Variants in PPP1R12A observed in about 807,000 individuals in gnomAD.
The protein encoded by PPP1R12A is myosin binding subunit.
PPP1R12A carries 19 observed loss-of-function variants against 139.6 expected under a neutral mutation model. The observed-to-expected ratio is 0.14, with a 90% CI of 0.09 to 0.20. The LOEUF is 0.20. Among genes scored for constraint, PPP1R12A ranks in the 10% least tolerant of loss-of-function variants. The probability of loss-of-function intolerance (pLI) is 1.00; values close to 1 mark genes in which losing one functional copy is unlikely to be tolerated. For synonymous variants in PPP1R12A, 427 were observed against 420.6 expected, an observed-to-expected ratio of 1.02 and a Z score of -0.19; for missense variants, 925 against 1,211.5, an observed-to-expected ratio of 0.76 and a Z score of 3.51.
At chr12:79,892,911 C>A (rs766998713) in intron 1 of PPP1R12A, among the ~76,000 whole-genome samples, 4 of 152,080 alleles carry the variant, frequency 2.6e-5, no homozygotes, top group Admixed American at 6.5e-5. Context: ...CGAGACCAGC[C>A]TGGCCAACAT....
At chr12:79,828,242 G>C (rs1877026994) in intron 5 of PPP1R12A, 78 bp downstream of exon 5, 3 of 1,263,352 alleles carry the variant, frequency 2.4e-6, no homozygotes. Context: ...ATAACCTTTT[G>C]AGACTATATT....
intron 10 of PPP1R12A, among the ~76,000 whole-genome samples, chr12:79,808,924 T>C (rs1188503017): frequency 6.6e-6 from 1 of 152,132 alleles, no homozygotes; most frequent in Non-Finnish European, 1.5e-5. Context: ...CTTTCAAATA[T>C]TGTTCACTGA....
chr12:79,868,569 T>C (rs990094285), intron 2 of PPP1R12A, among the ~76,000 whole-genome samples: 2 of 152,214 alleles, frequency 1.3e-5, no homozygotes, highest in African/African-American at 2.4e-5. Flanking sequence ...CCTTGGTTGG[T>C]AGATGGCTGC....
intron 10 of PPP1R12A, 97 bp downstream of exon 10, chr12:79,809,698 G>A (rs925384764): frequency 2.2e-5 from 19 of 878,072 alleles, no homozygotes; most frequent in Non-Finnish European, 3.3e-5. Context: ...TTGATACCTA[G>A]ATCTAAAGAT....
At chr12:79,866,051 C>G (rs1409922039) in intron 2 of PPP1R12A, among the ~76,000 whole-genome samples, 3 of 152,158 alleles carry the variant, frequency 2.0e-5, no homozygotes, top group Non-Finnish European at 4.4e-5. Context: ...AAGCATCACA[C>G]TACCTGACTT....
chr12:79,865,370 T>C (rs1881847354), intron 2 of PPP1R12A, among the ~76,000 whole-genome samples: 1 of 152,184 alleles, frequency 6.6e-6, no homozygotes, highest in Admixed American at 6.5e-5. Flanking sequence ...TCGTATTGAA[T>C]GGGCAAAAAC....
chr12:79,776,368 A>T (rs756782719), intron 24 of PPP1R12A, among the ~76,000 whole-genome samples: 34 of 152,074 alleles, frequency 2.2e-4, no homozygotes, highest in Non-Finnish European at 4.6e-4. Context: ...TCAGCACCTA[A>T]ACCAAAGACT....
intron 21 of PPP1R12A, chr12:79,787,830 C>G (rs1384196400): frequency 6.6e-6 from 1 of 152,188 alleles, no homozygotes; most frequent in Non-Finnish European, 1.5e-5. Flanking sequence ...AATCTACTTT[C>G]TTTTGTTATA....
chr12:79,788,516 T>C, intron 21 of PPP1R12A, 132 bp downstream of exon 21: 1 of 816,686 alleles, frequency 1.2e-6, no homozygotes. Context: ...TACTTAACCA[T>C]CACTTGCCGA....
intron 23 of PPP1R12A, among the ~76,000 whole-genome samples, chr12:79,781,198 T>C (rs1034868563): frequency 2.6e-5 from 4 of 152,142 alleles, no homozygotes; most frequent in Admixed American, 1.3e-4. Context: ...TCCTAGACCT[T>C]TGAGCAACAA....
chr12:79,849,894 T>C (rs1464162571), intron 2 of PPP1R12A, among the ~76,000 whole-genome samples: 1 of 152,158 alleles, frequency 6.6e-6, no homozygotes, highest in Admixed American at 6.5e-5. Context: ...GCAATCATAG[T>C]TCATTGTAAC....
rs375993327 is a variant in PPP1R12A, at chr12:79,805,756, A to G, written c.1836T>C (p.Arg612=). The G allele has an allele frequency of 6.2e-7, 1 of 1,612,298 alleles. No individual in the cohort carries two copies. Among genetic ancestry groups the G allele is most frequent in the Non-Finnish European group, 8.5e-7 (1 of 1,178,906 alleles). Residue 612 remains arginine (R), a synonymous_variant, in exon 14 of 25, where the codon CGT becomes CGC. Transcript: ENST00000450142. ...SAGTQSSTSN[R]LWAEDSTEKE... ...TCTCAGTACTATCCTCAGCCCACAA[A>G]CGATTTGAGGTACTATAGCATCATA...
chr12:79,906,621 G>GTATT (rs956573522), intron 1 of PPP1R12A, among the ~76,000 whole-genome samples: 74 of 150,000 alleles, frequency 4.9e-4, no homozygotes, highest in African/African-American at 1.1e-3. Context: ...ATGTATGTAT[G>GTATT]TATTTATTTA....
intron 24 of PPP1R12A, chr12:79,777,550 A>T: frequency 1.0e-6 from 1 of 985,208 alleles, no homozygotes; most frequent in Non-Finnish European, 1.2e-6. Context: ...TGCCTATAGA[A>T]CCCTGAGCGC....
intron 2 of PPP1R12A, among the ~76,000 whole-genome samples, chr12:79,866,133 T>C (rs1323002477): frequency 1.3e-5 from 2 of 152,028 alleles, no homozygotes; most frequent in African/African-American, 4.8e-5. Flanking sequence ...TACAGACCAA[T>C]GGAACAGAAC....
Position 79,934,815 on chromosome 12 carries a change from G to T in PPP1R12A, c.117C>A (p.Asp39Glu). Reference protein sequence around the residue: ...VKRQKTKVKFDDGAVFLAACS... With the variant: ...VKRQKTKVKFEDGAVFLAACS... ...AAGCAGCCAGGAAGACGGCGCCATCGTCGAACTTCACCTTGGTCTTCTGGC... is the reference window on the plus strand; with the variant it reads ...AAGCAGCCAGGAAGACGGCGCCATCTTCGAACTTCACCTTGGTCTTCTGGC... Residue 39 changes from aspartate (D) to glutamate (E), a missense_variant, in exon 1 of 25, where the codon GAC (aspartate) becomes GAA (glutamate). By Grantham distance (45) the Asp-to-Glu change is conservative (BLOSUM62 2). This residue lies in a region of PPP1R12A where 199 missense variants were observed against 352.4 expected (regional missense o/e 0.56). Transcript: ENST00000450142. The T allele has an allele frequency of 6.2e-7, 1 of 1,603,836 alleles. No individual in the cohort carries two copies. The highest frequency in any genetic ancestry group is 8.5e-7 in the Non-Finnish European group (1 of 1,175,444).
intron 1 of PPP1R12A, among the ~76,000 whole-genome samples, chr12:79,905,644 C>G: frequency 6.6e-6 from 1 of 152,136 alleles, no homozygotes; most frequent in Non-Finnish European, 1.5e-5. Flanking sequence ...AACTATCTTT[C>G]CAATTACGCA....
At chr12:79,846,503 C>T (rs1879416298) in intron 2 of PPP1R12A, among the ~76,000 whole-genome samples, 1 of 152,012 alleles carries the variant, frequency 6.6e-6, no homozygotes, top group Non-Finnish European at 1.5e-5. Context: ...AATCTCTGCT[C>T]ACTGCAAGCT....
At chr12:79,909,296 A>G (rs1220534025) in intron 1 of PPP1R12A, among the ~76,000 whole-genome samples, 1 of 152,178 alleles carries the variant, frequency 6.6e-6, no homozygotes, top group African/African-American at 2.4e-5. Flanking sequence ...CTTAAATACT[A>G]TTATATAAGT....
Sources: allele counts gnomAD v4.1 joint callset (sites outside exome capture counted in the v4.1 genomes callset), GRCh38; gene constraint gnomAD v4.1.1; regional missense constraint gnomAD v4.1.1; transcripts MANE v1.5; gene names NCBI Gene and HGNC (gene_info 2026-07-23, HGNC 2026-07-21).